The following SLC38A6 variants were observed in gnomAD, a reference collection of about 807,000 sequenced individuals.
The protein encoded by SLC38A6 is solute carrier family 38 member 6.
A neutral mutation model predicts 65.0 loss-of-function variants in SLC38A6; 73 were observed. That is an observed-to-expected ratio of 1.12 (90% confidence interval 0.93 to 1.37). The LOEUF is 1.37. SLC38A6 is among the 40% of genes most tolerant of loss of function. The probability of loss-of-function intolerance (pLI) is 0.00; values close to 1 mark genes in which losing one functional copy is unlikely to be tolerated. For missense variants in SLC38A6, 561 were observed against 531.1 expected (o/e 1.06, Z -0.55); for synonymous variants, 183 against 178.8 (o/e 1.02, Z -0.19).
At chr14:61,074,136 A>C (rs887822191) in intron 15 of SLC38A6, among the ~76,000 whole-genome samples, 5 of 152,194 alleles carry the variant, frequency 3.3e-5, no homozygotes, top group African/African-American at 1.2e-4. Context: ...AATTGTACAC[A>C]GATTTTCAAC....
At chr14:61,078,355 TAAC>T (rs2043503720) in intron 15 of SLC38A6, among the ~76,000 whole-genome samples, 1 of 152,142 alleles carries the variant, frequency 6.6e-6, no homozygotes. Context: ...AAGAAAATAC[TAAC>T]AATATGTACA....
At chr14:61,005,097 T>C (rs1211631514) in intron 3 of SLC38A6, among the ~76,000 whole-genome samples, 3 of 152,196 alleles carry the variant, frequency 2.0e-5, no homozygotes, top group Non-Finnish European at 4.4e-5. Flanking sequence ...CACATGTTTA[T>C]CTCAATAGAT....
At position 60,981,620 on chromosome 14, in the gene SLC38A6, G is replaced by A. The variant is rs1274235206; in HGVS notation, c.105+238G>A. 4 of 1,469,586 alleles carry A rather than the reference G, an allele frequency of 2.7e-6. No individual in the cohort carries two copies. In the African/African-American group the frequency reaches 4.2e-5, roughly 15 times the overall value. The allele number at this position is 1,469,586 out of a possible 1,614,324, so 91.0% of individuals were successfully genotyped here. On this transcript the variant is annotated intron_variant, in intron 1 of 15. Coordinates refer to ENST00000267488, the MANE Select transcript of SLC38A6 (RefSeq NM_153811.3). ...AAGATGAAAAGCGTCGGGTGGAAGAGATGCAGCGTTGAGTGGAAGCTGCGA... is the reference window on the plus strand; with the variant it reads ...AAGATGAAAAGCGTCGGGTGGAAGAAATGCAGCGTTGAGTGGAAGCTGCGA...
chr14:61,010,131 A>G (rs1387156158), intron 3 of SLC38A6, among the ~76,000 whole-genome samples: 3 of 152,206 alleles, frequency 2.0e-5, no homozygotes, highest in African/African-American at 7.2e-5. Flanking sequence ...TCTGATGGCC[A>G]GTGATGATGA....
chr14:61,047,795 C>T (rs2042241530), intron 12 of SLC38A6, among the ~76,000 whole-genome samples: 1 of 152,000 alleles, frequency 6.6e-6, no homozygotes, highest in South Asian at 2.1e-4. Context: ...TATGTTGTCT[C>T]TGATTTAATC....
At chr14:61,081,713 G>C (rs2043659692) in intron 16 of SLC38A6, among the ~76,000 whole-genome samples, 2 of 152,070 alleles carry the variant, frequency 1.3e-5, no homozygotes, top group Non-Finnish European at 2.9e-5. Flanking sequence ...GAATCCCTAA[G>C]TACTTTTGTT....
chr14:60,994,340 G>T (rs1367494345), intron 3 of SLC38A6, among the ~76,000 whole-genome samples: 1 of 152,198 alleles, frequency 6.6e-6, no homozygotes. Flanking sequence ...GAGGTTGGGA[G>T]ATCGAGACCA....
chr14:61,049,891 G>A (rs1484515238), intron 12 of SLC38A6, among the ~76,000 whole-genome samples: 2 of 152,070 alleles, frequency 1.3e-5, no homozygotes, highest in African/African-American at 4.8e-5. Context: ...AAGCTTGGTC[G>A]GCATGTATAA....
At chr14:61,010,128 G>A (rs1158979315) in intron 3 of SLC38A6, among the ~76,000 whole-genome samples, 1 of 152,138 alleles carries the variant, frequency 6.6e-6, no homozygotes, top group African/African-American at 2.4e-5. Flanking sequence ...TTCTCTGATG[G>A]CCAGTGATGA....
At chr14:61,051,698 A>C in intron 13 of SLC38A6, 89 bp from the exon 14 acceptor site, 1 of 1,480,564 alleles carries the variant, frequency 6.8e-7, no homozygotes, top group Non-Finnish European at 9.2e-7. Context: ...GGAGGCAAAA[A>C]TATCATGGTT....
downstream of SLC38A6, among the ~76,000 whole-genome samples, chr14:61,055,338 A>G (rs1262172049): frequency 8.3e-5 from 3 of 36,122 alleles, no homozygotes; most frequent in Non-Finnish European, 1.2e-4. Flanking sequence ...TCATTGTTCA[A>G]TTCCCACCTA....
At chr14:61,030,578 T>C in intron 6 of SLC38A6, 55 bp downstream of exon 6, 1 of 1,204,456 alleles carries the variant, frequency 8.3e-7, no homozygotes, top group Non-Finnish European at 1.2e-6. Context: ...GATAAATATG[T>C]ATTAAGCTGT....
In SLC38A6 at chr14:61,052,463, A is replaced by G. The variant is rs2042565604; in HGVS notation, c.*34A>G. The G allele has an allele frequency of 1.3e-6, 2 of 1,544,580 alleles. No individual in the cohort carries two copies. The highest frequency in any genetic ancestry group is 2.1e-5 in the Admixed American group (1 of 47,596). On this transcript the variant is annotated 3_prime_UTR_variant, in exon 16 of 16. Coordinates refer to ENST00000267488, the MANE Select transcript of SLC38A6 (RefSeq NM_153811.3). The stretch of plus-strand genomic sequence containing the variant: ...TTTTCCTACTTCTTACAAGAATAAT[A>G]TACCCCTAGTTGCAAGAATGAATTA...
Position 61,046,067 on chromosome 14 carries a change from T to C in SLC38A6, c.825T>C (p.Ser275=), listed in dbSNP as rs1401301422. 6.3e-7 allele frequency: 1 copy of C among 1,589,878 alleles called. No homozygotes were observed. Among genetic ancestry groups the C allele is most frequent in the Non-Finnish European group, 8.6e-7 (1 of 1,161,206 alleles). The change falls in exon 12 of 16, where the codon AGT becomes AGC. Residue 275 remains serine (S), a splice_region_variant and synonymous_variant. Coordinates refer to ENST00000267488, the MANE Select transcript of SLC38A6 (RefSeq NM_153811.3). ...SILPIYCELQ[S]PSKKRMQNVT... is the part of the protein sequence containing the mutation. ...TACCTTTGTCATTTTTGTCTTTTAG[T>C]CCTTCAAAGAAAAGAATGCAGAATG...
chr14:61,045,956 T>C lies in SLC38A6; in HGVS notation c.825-111T>C, dbSNP rs147052686. The C allele has an allele frequency of 3.6e-4, 218 of 613,816 alleles. No homozygotes were observed. In the African/African-American group the frequency reaches 3.8e-3, roughly 11 times the overall value. 38.0% of individuals were successfully genotyped at this position (613,816 alleles called of 1,614,324 possible). The stretch of plus-strand genomic sequence containing the variant: ...AATGAGGACTTCTAGTGTATAGTTA[T>C]TGATGGAGTTGTTCTTGAATGAGGA... On this transcript the variant is annotated intron_variant, in intron 11 of 15. Transcript: ENST00000267488.
chr14:61,044,019 T>C (rs2041979152), intron 10 of SLC38A6, among the ~76,000 whole-genome samples: 1 of 152,116 alleles, frequency 6.6e-6, no homozygotes, highest in Admixed American at 6.6e-5. Context: ...ACCAAGTCCC[T>C]TTGCCTTCCC....
intron 3 of SLC38A6, among the ~76,000 whole-genome samples, chr14:61,008,262 A>T (rs1451238061): frequency 6.6e-6 from 1 of 151,492 alleles, no homozygotes; most frequent in Non-Finnish European, 1.5e-5. Context: ...TTTTGTTCTT[A>T]ATTAGTAGAT....
chr14:61,006,511 G>A (rs528709346), intron 3 of SLC38A6, among the ~76,000 whole-genome samples: 111 of 152,226 alleles, frequency 7.3e-4, no homozygotes, highest in East Asian at 5.2e-3. Context: ...AAAAGTGGGC[G>A]AAGGACATGA....
intron 6 of SLC38A6, among the ~76,000 whole-genome samples, chr14:61,034,987 C>A (rs1205450710): frequency 1.3e-5 from 2 of 152,148 alleles, no homozygotes; most frequent in African/African-American, 4.8e-5. Flanking sequence ...TGGTTGAAAT[C>A]CATGTAGAAG....
Sources: allele counts gnomAD v4.1 joint callset (sites outside exome capture counted in the v4.1 genomes callset), GRCh38; gene constraint gnomAD v4.1.1; transcripts MANE v1.5; gene names NCBI Gene and HGNC (gene_info 2026-07-23, HGNC 2026-07-21).